NELL1: variants seen among roughly 807,000 people sequenced by gnomAD.
NELL1 encodes neural EGFL like 1.
In NELL1, 76 loss-of-function variants were observed where a neutral mutation model predicts 107.4. That is an observed-to-expected ratio of 0.71 (90% CI 0.59 to 0.86). The LOEUF is 0.86. Among genes scored for constraint, NELL1 ranks in the 40% least tolerant of loss-of-function variants. The pLI, the probability that NELL1 is intolerant of heterozygous loss-of-function variation, is 0.00. For synonymous variants in NELL1, 353 were observed against 341.2 expected, an observed-to-expected ratio of 1.03 and a Z score of -0.38; for missense variants, 1,024 against 1,005.5, an observed-to-expected ratio of 1.02 and a Z score of -0.25.
intron 16 of NELL1, among the ~76,000 whole-genome samples, 177 bp downstream of exon 16, chr11:21,534,691 G>A (rs1206356183): frequency 6.6e-6 from 1 of 152,112 alleles, no homozygotes; most frequent in African/African-American, 2.4e-5. Flanking sequence ...CATGCAAAGT[G>A]GGGTGCTAGA....
intron 12 of NELL1, among the ~76,000 whole-genome samples, chr11:20,996,649 G>A: frequency 6.6e-6 from 1 of 152,136 alleles, no homozygotes; most frequent in East Asian, 1.9e-4. Context: ...GGAGTTCAGG[G>A]ACCCTGGATA....
At chr11:21,422,336 A>G (rs1852700031) in intron 15 of NELL1, among the ~76,000 whole-genome samples, 1 of 152,222 alleles carries the variant, frequency 6.6e-6, no homozygotes, top group Non-Finnish European at 1.5e-5. Flanking sequence ...AGCTAGTATT[A>G]TTGTAACAAT....
chr11:20,889,327 A>T (rs1849570827), intron 5 of NELL1, among the ~76,000 whole-genome samples: 1 of 152,264 alleles, frequency 6.6e-6, no homozygotes. Context: ...AAAAGACAGT[A>T]GAAAAAGTGT....
chr11:21,517,351 A>G (rs1428081948), intron 15 of NELL1, among the ~76,000 whole-genome samples: 4 of 152,176 alleles, frequency 2.6e-5, no homozygotes, highest in Non-Finnish European at 5.9e-5. Context: ...CTTGTAACCA[A>G]TTAGACAGAC....
At chr11:21,370,456 A>C (rs17305372) in intron 14 of NELL1, among the ~76,000 whole-genome samples, 32,196 of 151,982 alleles carry the variant, frequency 0.21, 4,339 homozygotes, top group Non-Finnish European at 0.3. Flanking sequence ...GTCATAAGAG[A>C]TGTATAGTGG....
intron 4 of NELL1, among the ~76,000 whole-genome samples, chr11:20,849,632 A>T (rs1205381047): frequency 2.0e-5 from 3 of 152,182 alleles, no homozygotes. Flanking sequence ...GGCTTGTGGC[A>T]TAACATGTCC....
chr11:21,264,750 AGTGT>A (rs138336320), intron 14 of NELL1, among the ~76,000 whole-genome samples: 1 of 149,838 alleles, frequency 6.7e-6, no homozygotes, highest in African/African-American at 2.4e-5. Flanking sequence ...ACAGTTGTGG[AGTGT>A]GTGTGTGTGT....
chr11:21,041,432 T>A (rs1853229819), intron 12 of NELL1, among the ~76,000 whole-genome samples: 1 of 152,192 alleles, frequency 6.6e-6, no homozygotes, highest in African/African-American at 2.4e-5. Context: ...GAGAGTCACG[T>A]GAAAGGTAAC....
chr11:21,211,449 T>C (rs1264336891), intron 13 of NELL1, among the ~76,000 whole-genome samples: 3 of 152,088 alleles, frequency 2.0e-5, no homozygotes, highest in Non-Finnish European at 4.4e-5. Context: ...CTGAGAGTAA[T>C]GTTAATAATG....
At chr11:20,770,550 A>G (rs1189663793) in intron 2 of NELL1, among the ~76,000 whole-genome samples, 1 of 152,232 alleles carries the variant, frequency 6.6e-6, no homozygotes, top group Non-Finnish European at 1.5e-5. Flanking sequence ...ACCTGAATGC[A>G]CAAACACCCT....
Position 20,889,213 on chromosome 11 carries a change from A to T in NELL1, c.603+3673A>T, listed in dbSNP as rs76995756. Among the ~76,000 whole-genome samples, 17 of 152,350 alleles carry T rather than the reference A, an allele frequency of 1.1e-4. No homozygotes were observed. In the East Asian group the frequency reaches 3.3e-3, roughly 29 times the overall value. ...ATACTGGCAGAATAGCAGAACTCCA[A>T]AGACACAGAGAAGATCTTAAAAATA... On this transcript the variant is annotated intron_variant, in intron 5 of 19. Transcript: ENST00000357134.
intron 14 of NELL1, among the ~76,000 whole-genome samples, chr11:21,255,472 G>A (rs1319803814): frequency 3.9e-5 from 6 of 151,920 alleles, no homozygotes; most frequent in Non-Finnish European, 5.9e-5. Flanking sequence ...CACTAGCTTT[G>A]GAGGAAGAAT....
intron 14 of NELL1, among the ~76,000 whole-genome samples, chr11:21,350,361 C>CTT (rs35396218): frequency 1.3e-4 from 19 of 149,794 alleles, no homozygotes; most frequent in Admixed American, 2.7e-4. Context: ...TGAGCAAGAT[C>CTT]TTTTTAAAAA....
chr11:20,934,074 T>A (rs1850673154), intron 9 of NELL1, among the ~76,000 whole-genome samples: 1 of 150,826 alleles, frequency 6.6e-6, no homozygotes, highest in Non-Finnish European at 1.5e-5. Context: ...CACCAGAGCC[T>A]GACTCACCTT....
At chr11:21,263,855 G>A (rs375367338) in intron 14 of NELL1, among the ~76,000 whole-genome samples, 18 of 151,908 alleles carry the variant, frequency 1.2e-4, no homozygotes, top group African/African-American at 4.3e-4. Flanking sequence ...TCAAAATTTT[G>A]TTGAGTTACA....
At chr11:20,687,045 C>CT (rs59411780) in intron 2 of NELL1, among the ~76,000 whole-genome samples, 22,565 of 128,788 alleles carry the variant, frequency 0.18, 2,448 homozygotes, top group African/African-American at 0.32. Flanking sequence ...CTCTCTCTCT[C>CT]TTTTTTTTTT....
At chr11:21,046,927 G>C (rs1040444417) in intron 12 of NELL1, among the ~76,000 whole-genome samples, 15 of 150,838 alleles carry the variant, frequency 9.9e-5, no homozygotes. Context: ...CTGTTGCCCA[G>C]GCTGGTCTTG....
At chr11:20,740,265 C>T (rs780659921) in intron 2 of NELL1, among the ~76,000 whole-genome samples, 7 of 152,158 alleles carry the variant, frequency 4.6e-5, no homozygotes, top group South Asian at 4.1e-4. Context: ...CACTCTTGAT[C>T]GTACCCTGCA....
rs143377240 is a variant in NELL1 at position 21,539,660 on chromosome 11, G to A, written c.1786+5146G>A. Among the ~76,000 whole-genome samples, 1,439 of 151,212 alleles carry A rather than the reference G, an allele frequency of 9.5e-3. 20 individuals carry two copies. The highest frequency in any genetic ancestry group is 0.033 in the African/African-American group (1,371 of 41,214). ...TGCTCCTTCTCTTCTCTCCTCTGCT[G>A]CTCTTCTGTTCGTCTGCTCATCTGC... On this transcript the variant is annotated intron_variant, in intron 16 of 19. Coordinates refer to ENST00000357134, the MANE Select transcript of NELL1 (RefSeq NM_006157.5).
Sources: gnomAD v4.1 joint callset for allele counts (sites outside exome capture counted in the v4.1 genomes callset) on GRCh38, gnomAD v4.1.1 for gene constraint, MANE v1.5 for transcripts, NCBI Gene and HGNC (gene_info 2026-07-23, HGNC 2026-07-21) for gene names.